ADGRV1: variants seen among roughly 807,000 people sequenced by gnomAD.
The protein encoded by ADGRV1 is G-protein coupled receptor 98.
ADGRV1 carries 359 observed loss-of-function variants against 596.2 expected under a neutral mutation model. That is an observed-to-expected ratio of 0.60 (90% CI 0.55 to 0.66). ADGRV1 has a LOEUF of 0.66. Among genes scored for constraint, ADGRV1 ranks in the 30% least tolerant of loss-of-function variants. ADGRV1 has a pLI of 0.00. For missense variants in ADGRV1, 7,274 were observed against 7,575.6 expected (o/e 0.96, Z 1.48); for synonymous variants, 2,681 against 2,679.2 (o/e 1.00, Z -0.02).
rs774915768 is a variant in ADGRV1, at chr5:90,774,263, G to A, written c.12363G>A (p.Gln4121=). The part of the protein sequence containing the change: ...VLEEDRRFTI[Q]LISIDEVEIS... ...AGGAGGACAGGCGTTTCACCATTCA[G>A]CTGATATCAATTGATGAGGTAGAAA... The change falls in exon 60 of 90, where the codon CAG becomes CAA. Residue 4121 remains glutamine, a synonymous_variant. Coordinates refer to ENST00000405460, the MANE Select transcript of ADGRV1 (RefSeq NM_032119.4). 2 of 1,606,612 alleles carry A rather than the reference G, an allele frequency of 1.2e-6. No individual in the cohort carries two copies. Among genetic ancestry groups the A allele is most frequent in the Admixed American group, 1.7e-5 (1 of 59,926 alleles).
At chr5:91,008,334 A>G (rs1027030754) in intron 85 of ADGRV1, among the ~76,000 whole-genome samples, 2 of 152,152 alleles carry the variant, frequency 1.3e-5, no homozygotes, top group Non-Finnish European at 2.9e-5. Flanking sequence ...CTGACCACAG[A>G]ATTGGAAAGA....
intron 16 of ADGRV1, 103 bp downstream of exon 16, chr5:90,646,194 A>G (rs1767736394): frequency 1.8e-6 from 1 of 545,898 alleles, no homozygotes; most frequent in South Asian, 8.2e-5. Flanking sequence ...ACGTGCGTAT[A>G]TACATTTATA....
chr5:90,670,476 T>A (rs1256588911), intron 21 of ADGRV1, among the ~76,000 whole-genome samples: 1 of 152,172 alleles, frequency 6.6e-6, no homozygotes, highest in Non-Finnish European at 1.5e-5. Flanking sequence ...GAGACAAAGA[T>A]GTTTGGGGAG....
At chr5:91,051,837 T>A (rs1786363112) in intron 85 of ADGRV1, among the ~76,000 whole-genome samples, 1 of 152,156 alleles carries the variant, frequency 6.6e-6, no homozygotes, top group East Asian at 1.9e-4. Flanking sequence ...TTGGCATCCT[T>A]GTTTATGTAA....
intron 6 of ADGRV1, 199 bp downstream of exon 6, chr5:90,625,442 G>A (rs1764612603): frequency 1.4e-5 from 6 of 420,852 alleles, no homozygotes; most frequent in Middle Eastern, 5.5e-4. Flanking sequence ...AATATAACTG[G>A]CAACCATACA....
At chr5:91,005,636 T>C (rs1782207054) in intron 85 of ADGRV1, among the ~76,000 whole-genome samples, 1 of 152,206 alleles carries the variant, frequency 6.6e-6, no homozygotes, top group Admixed American at 6.5e-5. Flanking sequence ...TTCCTCTAGG[T>C]GCTCAAGCTA....
intron 83 of ADGRV1, among the ~76,000 whole-genome samples, chr5:90,913,120 G>A (rs1773042988): frequency 3.9e-5 from 6 of 152,058 alleles, no homozygotes; most frequent in Non-Finnish European, 8.8e-5. Flanking sequence ...TTTTTCCACT[G>A]GCTAATTTGG....
chr5:90,716,620 G>T lies in ADGRV1; in HGVS notation c.9338G>T (p.Gly3113Val). The change falls in exon 43 of 90, where the codon GGA becomes GTA. Residue 3113 changes from glycine (G) to valine (V), a missense_variant. By Grantham distance (109) the Gly-to-Val change is moderately radical. Transcript: ENST00000405460. ...CGGGAACCTGCACAAGGATTGTTTG[G>T]AACAGTGACAGTTCAGTTCATTGTG... ...IVREPAQGLF[G>V]TVTVQFIVTE... 6.2e-7 allele frequency: 1 copy of T among 1,613,784 alleles called. No individual in the cohort carries two copies. Among genetic ancestry groups the T allele is most frequent in the South Asian group, 1.1e-5 (1 of 91,066 alleles).
At chr5:90,975,365 G>T (rs1005984010) in intron 84 of ADGRV1, among the ~76,000 whole-genome samples, 24 of 152,078 alleles carry the variant, frequency 1.6e-4, no homozygotes, top group Non-Finnish European at 3.4e-4. Flanking sequence ...ATACCCAAAG[G>T]ATTATAAATC....
At chr5:90,593,358 A>C (rs547067209) in intron 1 of ADGRV1, among the ~76,000 whole-genome samples, 4 of 152,086 alleles carry the variant, frequency 2.6e-5, no homozygotes, top group African/African-American at 9.6e-5. Flanking sequence ...AGGACGGAAA[A>C]CCAAACACCA....
intron 9 of ADGRV1, 166 bp downstream of exon 9, chr5:90,629,705 A>AAGGTATATAAGTATACCTT (rs1477951257): frequency 1.9e-6 from 1 of 526,926 alleles, no homozygotes; most frequent in Admixed American, 3.3e-5. Flanking sequence ...GCCTGCTCCT[A>AAGGTATATAAGTATACCTT]AGGTATATAA....
intron 62 of ADGRV1, 97 bp from the exon 63 acceptor site, chr5:90,778,330 A>G: frequency 1.9e-6 from 2 of 1,062,678 alleles, no homozygotes; most frequent in South Asian, 1.4e-5. Flanking sequence ...TGAGGAGGAG[A>G]TTAATATTAC....
At chr5:90,638,539 G>GT (rs56085950) in intron 11 of ADGRV1, among the ~76,000 whole-genome samples, 72,911 of 148,436 alleles carry the variant, frequency 0.49, 18,334 homozygotes, top group African/African-American at 0.61. Flanking sequence ...CTCTCAAAGA[G>GT]TTTTTTTTTT....
At chr5:90,755,249 A>G in intron 55 of ADGRV1, 64 bp downstream of exon 55, 1 of 1,050,292 alleles carries the variant, frequency 9.5e-7, no homozygotes, top group South Asian at 1.6e-5. Context: ...TAAAATTGTG[A>G]TGCTCTTGTA....
chr5:90,725,256 T>A, intron 47 of ADGRV1, 24 bp downstream of exon 47: 2 of 1,220,052 alleles, frequency 1.6e-6, no homozygotes, highest in Non-Finnish European at 1.1e-6. Flanking sequence ...CATTTTTAAA[T>A]AGATTACTTT....
chr5:91,085,360 A>C (rs947731841), intron 86 of ADGRV1, among the ~76,000 whole-genome samples: 1 of 152,184 alleles, frequency 6.6e-6, no homozygotes, highest in Non-Finnish European at 1.5e-5. Flanking sequence ...ATACTTATTT[A>C]TTATAAGTAC....
At chr5:90,773,863 TAA>T (rs1757942452) in intron 59 of ADGRV1, among the ~76,000 whole-genome samples, 1 of 152,226 alleles carries the variant, frequency 6.6e-6, no homozygotes, top group South Asian at 2.1e-4. Context: ...CTGTTTCTTA[TAA>T]AGTCTATGAC....
In ADGRV1 at chr5:90,675,349, C is replaced by G. The variant is rs1305376171; in HGVS notation, c.5217C>G (p.Ile1739Met). Residue 1739 changes from isoleucine to methionine, a missense_variant, in exon 24 of 90, where the codon ATC becomes ATG. Transcript: ENST00000405460. ...CTGTGGAGGAGGAAGATGGAGAAAT[C>G]AGGTTATTGGTCATCCGTGCACAGG... ...HITVEEEDGE[I>M]RLLVIRAQGL... 4 of 1,613,798 alleles carry G rather than the reference C, an allele frequency of 2.5e-6. No individual in the cohort carries two copies. In the African/African-American group the frequency reaches 5.3e-5, roughly 22 times the overall value.
chr5:91,031,238 C>G, intron 85 of ADGRV1: 5 of 1,589,928 alleles, frequency 3.1e-6, no homozygotes, highest in Non-Finnish European at 4.3e-6. Flanking sequence ...TCAAGGGGCT[C>G]CTCAGGTTGC....
Sources: gnomAD v4.1 joint callset for allele counts (sites outside exome capture counted in the v4.1 genomes callset) on GRCh38, gnomAD v4.1.1 for gene constraint, MANE v1.5 for transcripts, NCBI Gene and HGNC (gene_info 2026-07-23, HGNC 2026-07-21) for gene names.